COL9A2: variants seen among roughly 807,000 people sequenced by gnomAD.
The protein encoded by COL9A2 is collagen type IX alpha 2 chain, also known as collagen alpha-2(IX) chain.
Under a neutral mutation model 111.6 loss-of-function variants are expected in COL9A2, and 66 were observed. The observed-to-expected ratio is 0.59, with a 90% CI of 0.48 to 0.73. The LOEUF is 0.73. Among genes scored for constraint, COL9A2 ranks in the 30% least tolerant of loss-of-function variants. The pLI is 0.00. For synonymous variants in COL9A2, 353 were observed against 364.1 expected, an observed-to-expected ratio of 0.97 and a Z score of 0.35; for missense variants, 881 against 954.1, an observed-to-expected ratio of 0.92 and a Z score of 1.01.
At chr1:40,315,834 C>A in intron 1 of COL9A2, 170 bp from the exon 2 acceptor site, 1 of 542,058 alleles carries the variant, frequency 1.8e-6, no homozygotes, top group Non-Finnish European at 3.3e-6. Context: ...TACATGCATT[C>A]ATTATCTTAC....
chr1:40,310,186 A>C lies in COL9A2; in HGVS notation c.739-22T>G, dbSNP rs1396436673. 2 of 1,614,126 alleles carry C rather than the reference A, an allele frequency of 1.2e-6. No individual in the cohort carries two copies. The highest frequency in any genetic ancestry group is 1.1e-5 in the South Asian group (1 of 91,086). On this transcript the variant is annotated intron_variant, in intron 14 of 31. Transcript: ENST00000372748. The surrounding 1 kb of genome is among the most constrained non-coding windows in gnomAD (Gnocchi z 4.9). Reference sequence around the variant, plus strand: ...GGCCCTGGGGAGAGGAAAGGGTTGCAGGTCAGTCCTGGCTGAACTCCAGGG... The same window carrying C: ...GGCCCTGGGGAGAGGAAAGGGTTGCCGGTCAGTCCTGGCTGAACTCCAGGG...
Position 40,312,784 on chromosome 1 carries a change from C to A in COL9A2, c.250G>T (p.Gly84Cys). ...GGCTCCCCCTTGGCTCCAGTTAAAC[C>A]CTGGGGAAGAATGAAAATGTAGGAT... ...DGPDGKPGID[G>C]LTGAKGEPGP... Residue 84 changes from glycine (G) to cysteine (C), a missense_variant and splice_region_variant, in exon 5 of 32, where the codon GGT becomes TGT. By Grantham distance (159) the Gly-to-Cys change is radical. Coordinates refer to ENST00000372748, the MANE Select transcript of COL9A2 (RefSeq NM_001852.4). This position sits in a 1 kb window ranked among gnomAD's most constrained non-coding sequence, Gnocchi z 6.0. 1 of 1,551,090 alleles carries A rather than the reference C, an allele frequency of 6.4e-7. No individual in the cohort carries two copies. Among genetic ancestry groups the A allele is most frequent in the South Asian group, 1.2e-5 (1 of 84,038 alleles).
rs544713300 is a variant in COL9A2 at position 40,315,552 on chromosome 1, C to G, written c.150+38G>C. On this transcript the variant is annotated intron_variant, in intron 2 of 31. Transcript: ENST00000372748. ...GCTCACAAAGTTCTCCTTTGTCTGC[C>G]GCCTCCCTCCCGCCCTGGTCTCAGG... 3.9e-6 allele frequency: 6 copies of G among 1,542,978 alleles called. No individual in the cohort carries two copies. The East Asian group carries it at 1.5e-4, about 38-fold the overall frequency.
At position 40,310,613 on chromosome 1, in the gene COL9A2, G is replaced by A. The variant is rs1644107339; in HGVS notation, c.684+101C>T. On this transcript the variant is annotated intron_variant, in intron 13 of 31. Coordinates refer to ENST00000372748, the MANE Select transcript of COL9A2 (RefSeq NM_001852.4). The surrounding 1 kb of genome is among the most constrained non-coding windows in gnomAD (Gnocchi z 4.9). ...CCAGAGATGCTCCCAGCTAGACACA[G>A]GTGTCTCTTTTACAAGCTAGAGGCC... 9 of 1,072,424 alleles carry A rather than the reference G, an allele frequency of 8.4e-6. No homozygotes were observed. Among genetic ancestry groups the A allele is most frequent in the Non-Finnish European group, 1.3e-5 (9 of 710,384 alleles). The allele number at this position is 1,072,424 out of a possible 1,614,324, so 66.4% of individuals were successfully genotyped here.
Position 40,312,647 on chromosome 1 carries a change from T to C in COL9A2, c.304-38A>G, listed in dbSNP as rs1569756130. 6.2e-7 allele frequency: 1 copy of C among 1,610,264 alleles called. No individual in the cohort carries two copies. On this transcript the variant is annotated intron_variant, in intron 5 of 31. Coordinates refer to ENST00000372748, the MANE Select transcript of COL9A2 (RefSeq NM_001852.4). This position sits in a 1 kb window ranked among gnomAD's most constrained non-coding sequence, Gnocchi z 6.0. Reference sequence around the variant, plus strand: ...CGAGAAAGGCTCAGAGGCTGGGGTTTCCCCGGCTCCTACTTCCTCTCTACA... The same window carrying C: ...CGAGAAAGGCTCAGAGGCTGGGGTTCCCCCGGCTCCTACTTCCTCTCTACA...
intron 16 of COL9A2, among the ~76,000 whole-genome samples, chr1:40,308,761 A>C (rs965464594): frequency 1.3e-5 from 2 of 152,206 alleles, no homozygotes; most frequent in Non-Finnish European, 2.9e-5. Context: ...GGCTGAGATG[A>C]TAGGATGTTA....
Position 40,311,048 on chromosome 1 carries a change from A to G in COL9A2, c.630+45T>C. 1 of 1,609,482 alleles carries G rather than the reference A, an allele frequency of 6.2e-7. No individual in the cohort carries two copies. The highest frequency in any genetic ancestry group is 8.5e-7 in the Non-Finnish European group (1 of 1,176,308). On this transcript the variant is annotated intron_variant, in intron 12 of 31. Coordinates refer to ENST00000372748, the MANE Select transcript of COL9A2 (RefSeq NM_001852.4). The surrounding 1 kb of genome is among the most constrained non-coding windows in gnomAD (Gnocchi z 5.1). ...GAAGGGGACAGAGCCCTGTAGGACC[A>G]TCTCCACGTATCCCTGACCCACAGC...
Position 40,302,430 on chromosome 1 carries a change from C to T in COL9A2, c.1792+191G>A, listed in dbSNP as rs115127789. On this transcript the variant is annotated intron_variant, in intron 30 of 31. Coordinates refer to ENST00000372748, the MANE Select transcript of COL9A2 (RefSeq NM_001852.4). The surrounding 1 kb of genome is among the most constrained non-coding windows in gnomAD (Gnocchi z 4.5). ...ATTCAAAAACAAACCCCAGAAACCC[C>T]GAGTGATAACATAGTACATTCATTG... Among the ~76,000 whole-genome samples the T allele has an allele frequency of 5.7e-3, 867 of 152,268 alleles. 10 individuals carry two copies. Among genetic ancestry groups the T allele is most frequent in the African/African-American group, 0.019 (810 of 41,550 alleles).
Position 40,303,762 on chromosome 1 carries a change from T to TGGGTCCGGGAGAAGGGAGG in COL9A2, c.1401+44_1401+45insCCTCCCTTCTCCCGGACCC. On this transcript the variant is annotated intron_variant, in intron 27 of 31. Coordinates refer to ENST00000372748, the MANE Select transcript of COL9A2 (RefSeq NM_001852.4). The surrounding 1 kb of genome is among the most constrained non-coding windows in gnomAD (Gnocchi z 4.6). The stretch of plus-strand genomic sequence containing the variant: ...GGGGGGTGGGGGTCGAGGAAGGGAG[T>TGGGTCCGGGAGAAGGGAGG]GGCCGCCCAGGAAAGTCGGAGAACG... The TGGGTCCGGGAGAAGGGAGG allele has an allele frequency of 6.4e-7, 1 of 1,551,942 alleles. No individual in the cohort carries two copies.
Position 40,311,382 on chromosome 1 carries a change from A to G in COL9A2, c.520-96T>C. 6.4e-7 allele frequency: 1 copy of G among 1,563,922 alleles called. No homozygotes were observed. Among genetic ancestry groups the G allele is most frequent in the Non-Finnish European group, 8.7e-7 (1 of 1,145,566 alleles). ...GCTCTCCTCCGCCTCACCTGGTGGA[A>G]CCCCTGCACTGCAGCCCCTCCCCAT... is the stretch of plus-strand genomic sequence containing the variant. On this transcript the variant is annotated intron_variant, in intron 10 of 31. Coordinates refer to ENST00000372748, the MANE Select transcript of COL9A2 (RefSeq NM_001852.4). The surrounding 1 kb of genome is among the most constrained non-coding windows in gnomAD (Gnocchi z 5.1).
rs140795858 is a variant in COL9A2, at chr1:40,317,176, G to C, written c.22C>G (p.Pro8Ala). ...TGGAGGAGAACAAGGAGGCTGCGGG[G>C]GGAGGCCGTAGCGGCGGCCATGGCT... The part of the protein sequence containing the change: MAAATAS[P>A]RSLLVLLQVV... The change falls in exon 1 of 32, where the codon CCC becomes GCC. Residue 8 changes from proline to alanine, a missense_variant. Coordinates refer to ENST00000372748, the MANE Select transcript of COL9A2 (RefSeq NM_001852.4). This position sits in a 1 kb window ranked among gnomAD's most constrained non-coding sequence, Gnocchi z 4.3. 6 of 1,588,890 alleles carry C rather than the reference G, an allele frequency of 3.8e-6. No homozygotes were observed. Among genetic ancestry groups the C allele is most frequent in the Non-Finnish European group, 4.3e-6 (5 of 1,167,904 alleles).
chr1:40,307,389 C>T lies in COL9A2; in HGVS notation c.1008+57G>A. ...CAAGAGCCCCGGGTGTGTGTGGATT[C>T]TAACCTCATCAGCCACTAGCCCCTG... On this transcript the variant is annotated intron_variant, in intron 19 of 31. Coordinates refer to ENST00000372748, the MANE Select transcript of COL9A2 (RefSeq NM_001852.4). This position sits in a 1 kb window ranked among gnomAD's most constrained non-coding sequence, Gnocchi z 4.8. 6.5e-7 allele frequency: 1 copy of T among 1,541,594 alleles called. No individual in the cohort carries two copies. Among genetic ancestry groups the T allele is most frequent in the South Asian group, 1.1e-5 (1 of 87,428 alleles).
chr1:40,302,890 C>T lies in COL9A2; in HGVS notation c.1604-81G>A, dbSNP rs1335228251. On this transcript the variant is annotated intron_variant, in intron 29 of 31. Coordinates refer to ENST00000372748, the MANE Select transcript of COL9A2 (RefSeq NM_001852.4). This position sits in a 1 kb window ranked among gnomAD's most constrained non-coding sequence, Gnocchi z 4.5. ...TAACACTAGGGGAGGCAGAGCATTC[C>T]GATGGGCCCTGGCCCCTAGGTTTGC... The T allele has an allele frequency of 5.7e-6, 8 of 1,400,956 alleles. No individual in the cohort carries two copies. The highest frequency in any genetic ancestry group is 4.9e-5 in the South Asian group (4 of 80,846). 86.8% of individuals were successfully genotyped at this position (1,400,956 alleles called of 1,614,324 possible). A position where few individuals can be genotyped will look rare whatever the true frequency, so the allele number is the denominator to read the frequency against.
rs777035204 is a variant in COL9A2, at chr1:40,311,544, G to T, written c.475C>A (p.Arg159Ser). The T allele has an allele frequency of 6.2e-7, 1 of 1,613,232 alleles. No homozygotes were observed. Among genetic ancestry groups the T allele is most frequent in the South Asian group, 1.1e-5 (1 of 91,026 alleles). The change falls in exon 10 of 32, where the codon CGC (arginine) becomes AGC (serine). Residue 159 changes from arginine to serine, a missense_variant. Physicochemically the swap from Arg to Ser is moderately radical, Grantham distance 110. Transcript: ENST00000372748. This position sits in a 1 kb window ranked among gnomAD's most constrained non-coding sequence, Gnocchi z 5.1. ...GPPGPPGKPG[R>S]PGTIQGLEGS... The stretch of plus-strand genomic sequence containing the variant: ...TCCAGACCCTGGATGGTTCCCGGGC[G>T]ACCCTGAGAGGAGACATGAAGATGG...
rs1461799680 is a variant in COL9A2 at position 40,306,267 on chromosome 1, A to G, written c.1009-80T>C. 1.3e-5 allele frequency: 19 copies of G among 1,508,136 alleles called. No individual in the cohort carries two copies. The South Asian group carries it at 1.5e-4, about 12-fold the overall frequency. 93.4% of individuals were successfully genotyped at this position (1,508,136 alleles called of 1,614,324 possible). On this transcript the variant is annotated intron_variant, in intron 19 of 31. Coordinates refer to ENST00000372748, the MANE Select transcript of COL9A2 (RefSeq NM_001852.4). ...CCTGCTGCTTTGCTTCCCATCCCCA[A>G]TCCAGATTTCCCCCACCTGTGGGAG... is the stretch of plus-strand genomic sequence containing the variant.
At chr1:40,315,837 T>C (rs1644210507) in intron 1 of COL9A2, 173 bp from the exon 2 acceptor site, 1 of 531,166 alleles carries the variant, frequency 1.9e-6, no homozygotes, top group Non-Finnish European at 3.4e-6. Flanking sequence ...ATGCATTCAT[T>C]ATCTTACAGA....
chr1:40,301,750 C>T, intron 31 of COL9A2, 62 bp downstream of exon 31: 3 of 1,511,946 alleles, frequency 2.0e-6, no homozygotes, highest in Non-Finnish European at 2.8e-6. Context: ...ACCGCAGTGT[C>T]CACACGTCAT....
rs911066365 is a variant in COL9A2 at position 40,314,407 on chromosome 1, G to A, written c.151-20C>T. 2 of 1,614,178 alleles carry A rather than the reference G, an allele frequency of 1.2e-6. No individual in the cohort carries two copies. Among genetic ancestry groups the A allele is most frequent in the Admixed American group, 1.7e-5 (1 of 60,022 alleles). On this transcript the variant is annotated intron_variant, in intron 2 of 31. Coordinates refer to ENST00000372748, the MANE Select transcript of COL9A2 (RefSeq NM_001852.4). The surrounding 1 kb of genome is among the most constrained non-coding windows in gnomAD (Gnocchi z 4.1). Reference sequence around the variant, plus strand: ...GTCACCCTGCAAGATACAAGTTGGTGAGACAGCACACTACGGCTCACACTA... The same window carrying A: ...GTCACCCTGCAAGATACAAGTTGGTAAGACAGCACACTACGGCTCACACTA...
Position 40,302,243 on chromosome 1 carries a change from C to T in COL9A2, c.1793-354G>A, listed in dbSNP as rs1450917133. On this transcript the variant is annotated intron_variant, in intron 30 of 31. Coordinates refer to ENST00000372748, the MANE Select transcript of COL9A2 (RefSeq NM_001852.4). This position sits in a 1 kb window ranked among gnomAD's most constrained non-coding sequence, Gnocchi z 4.5. ...CATTTTACAGATAGTAAACCTAAGGCCCAGGGAAATTAGCAGGTAACTCGT... is the reference window on the plus strand; with the variant it reads ...CATTTTACAGATAGTAAACCTAAGGTCCAGGGAAATTAGCAGGTAACTCGT... Among the ~76,000 whole-genome samples, 1 of 152,058 alleles carries T rather than the reference C, an allele frequency of 6.6e-6. No individual in the cohort carries two copies. The highest frequency in any genetic ancestry group is 1.5e-5 in the Non-Finnish European group (1 of 68,010).
Sources: gnomAD v4.1 joint callset for allele counts (sites outside exome capture counted in the v4.1 genomes callset) on GRCh38, gnomAD v4.1.1 for gene constraint, Gnocchi (gnomAD v3.1) non-coding constraint, MANE v1.5 for transcripts, NCBI Gene and HGNC (gene_info 2026-07-23, HGNC 2026-07-21) for gene names.